Variants in RING1 observed in about 807,000 individuals in gnomAD.
The protein encoded by RING1 is ring finger protein 1, also known as E3 ubiquitin-protein ligase RING1.
Under a neutral mutation model 35.0 loss-of-function variants are expected in RING1, and 8 were observed. The observed-to-expected ratio is 0.23, with a 90% CI of 0.13 to 0.41. RING1 has a LOEUF of 0.41. Ranked by LOEUF, RING1 falls within the 10% of genes least tolerant of loss-of-function variation. RING1 has a pLI of 1.00. For synonymous variants in RING1, 214 were observed against 224.3 expected, an observed-to-expected ratio of 0.95 and a Z score of 0.41; for missense variants, 343 against 546.8, an observed-to-expected ratio of 0.63 and a Z score of 3.72.
In RING1 at chr6:33,208,541, G is replaced by A. The variant is rs368788892; in HGVS notation, c.-162G>A. ...CGGGCCATGGCGGCGGCGGTGGCGG[G>A]AGCTGCTGTCTGAGCAGCGGTTGCG... On this transcript the variant is annotated 5_prime_UTR_variant, in exon 1 of 7. Coordinates refer to ENST00000374656, the MANE Select transcript of RING1 (RefSeq NM_002931.4). The surrounding 1 kb of genome is among the most constrained non-coding windows in gnomAD (Gnocchi z 6.2). The A allele has an allele frequency of 2.4e-6, 1 of 424,488 alleles. No individual in the cohort carries two copies. 26.3% of individuals were successfully genotyped at this position (424,488 alleles called of 1,614,324 possible).
Position 33,211,710 on chromosome 6 carries a change from G to A in RING1, c.846-19G>A. The A allele has an allele frequency of 1.3e-6, 2 of 1,535,712 alleles. No individual in the cohort carries two copies. The highest frequency in any genetic ancestry group is 1.8e-6 in the Non-Finnish European group (2 of 1,141,606). ...TCTGAGGCGCTCTGGCTCTAAGCCT[G>A]TCCTCCCTCCCATTCCAGGTATGTG... On this transcript the variant is annotated intron_variant, in intron 5 of 6. Coordinates refer to ENST00000374656, the MANE Select transcript of RING1 (RefSeq NM_002931.4). The surrounding 1 kb of genome is among the most constrained non-coding windows in gnomAD (Gnocchi z 6.3).
At position 33,209,632 on chromosome 6, in the gene RING1, A is replaced by T; in HGVS notation, c.85A>T (p.Ile29Leu). Residue 29 changes from isoleucine to leucine, a missense_variant, in exon 3 of 7, where the codon ATA (isoleucine) becomes TTA (leucine). Coordinates refer to ENST00000374656, the MANE Select transcript of RING1 (RefSeq NM_002931.4). This position sits in a 1 kb window ranked among gnomAD's most constrained non-coding sequence, Gnocchi z 5.1. ...TACTCACTGATGCCTTCAGGAAGCC[A>T]TAATGGATGGCACAGAGATTGCTGT... ...YELHRTPQEA[I>L]MDGTEIAVSP... 6.2e-7 allele frequency: 1 copy of T among 1,612,602 alleles called. No individual in the cohort carries two copies. The highest frequency in any genetic ancestry group is 8.5e-7 in the Non-Finnish European group (1 of 1,179,640).
Position 33,212,311 on chromosome 6 carries a change from C to G in RING1, c.1133C>G (p.Ser378Trp), listed in dbSNP as rs751565403. The G allele has an allele frequency of 1.3e-6, 2 of 1,585,704 alleles. No individual in the cohort carries two copies. The highest frequency in any genetic ancestry group is 1.7e-6 in the Non-Finnish European group (2 of 1,165,700). Residue 378 changes from serine to tryptophan, a missense_variant, in exon 7 of 7, where the codon TCG (serine) becomes TGG (tryptophan). This residue lies in a region of RING1 where 278 missense variants were observed against 383.5 expected (regional missense o/e 0.72). Transcript: ENST00000374656. Reference protein sequence around the residue: ...GGGAFTTLNGSLTLELVNEKF... With the variant: ...GGGAFTTLNGWLTLELVNEKF... ...CCCCCTCCTCAGACGTTGAATGGCT[C>G]GCTGACCCTGGAGCTGGTGAATGAG...
In RING1 at chr6:33,210,002, G is replaced by GA. The variant is rs1343776382; in HGVS notation, c.328dup (p.Ile110AsnfsTer4). The GA allele has an allele frequency of 6.2e-7, 1 of 1,614,074 alleles. No individual in the cohort carries two copies. The highest frequency in any genetic ancestry group is 2.2e-5 in the East Asian group (1 of 44,890). ...CCAACTTTGATGCCCTGATCTCTAAGATCTATCCTAGCCGGGAGGAATACG... is the reference window on the plus strand; with the variant it reads ...CCAACTTTGATGCCCTGATCTCTAAGAATCTATCCTAGCCGGGAGGAATACG... On this transcript the variant is annotated frameshift_variant, in exon 4 of 7. Coordinates refer to ENST00000374656, the MANE Select transcript of RING1 (RefSeq NM_002931.4). LOFTEE classifies it high-confidence loss of function.
In RING1 at chr6:33,211,524, G is replaced by A. The variant is rs1388285696; in HGVS notation, c.822G>A (p.Glu274=). 1 of 1,612,176 alleles carries A rather than the reference G, an allele frequency of 6.2e-7. No individual in the cohort carries two copies. The highest frequency in any genetic ancestry group is 1.6e-4 in the Middle Eastern group (1 of 6,062). ...TCCGGCCCCACCCCCTGCTCGTGGA[G>A]AAGGGAGAATACTGCCAGACGAGGT... is the stretch of plus-strand genomic sequence containing the variant. The part of the protein sequence containing the change: ...LVFRPHPLLV[E]KGEYCQTRYV... Residue 274 remains glutamate, a synonymous_variant, in exon 5 of 7, where the codon GAG becomes GAA. Transcript: ENST00000374656. This position sits in a 1 kb window ranked among gnomAD's most constrained non-coding sequence, Gnocchi z 6.3.
intron 6 of RING1, 76 bp downstream of exon 6, chr6:33,212,078 T>C: frequency 8.4e-7 from 1 of 1,189,956 alleles, no homozygotes; most frequent in Non-Finnish European, 1.2e-6. Context: ...ACCATGAGCC[T>C]GGTCTAACTC....
In RING1 at chr6:33,208,767, T is replaced by A; in HGVS notation, c.-56T>A. The A allele has an allele frequency of 2.4e-6, 3 of 1,263,866 alleles. No individual in the cohort carries two copies. Among genetic ancestry groups the A allele is most frequent in the East Asian group, 2.7e-5 (1 of 37,666 alleles). 78.3% of individuals were successfully genotyped at this position (1,263,866 alleles called of 1,614,324 possible). ...CCTCCCCTTCCCCCCACCCCCAGCC[T>A]TCTTCGCCTTCTCCTCGGCTGTGGA... On this transcript the variant is annotated splice_region_variant and 5_prime_UTR_variant, in exon 2 of 7. Coordinates refer to ENST00000374656, the MANE Select transcript of RING1 (RefSeq NM_002931.4). The surrounding 1 kb of genome is among the most constrained non-coding windows in gnomAD (Gnocchi z 6.2).
In RING1 at chr6:33,208,731, C is replaced by T. The variant is rs531231030; in HGVS notation, c.-58-34C>T. 15 of 1,059,892 alleles carry T rather than the reference C, an allele frequency of 1.4e-5. No homozygotes were observed. The highest frequency in any genetic ancestry group is 9.0e-5 in the Admixed American group (3 of 33,350). The allele number at this position is 1,059,892 out of a possible 1,614,324, so 65.7% of individuals were successfully genotyped here. ...CGGGGTCTACGCGAGGGGCGGCCCC[C>T]CTGACGCCCTCCTCCCCTTCCCCCC... On this transcript the variant is annotated intron_variant, in intron 1 of 6. Coordinates refer to ENST00000374656, the MANE Select transcript of RING1 (RefSeq NM_002931.4). This position sits in a 1 kb window ranked among gnomAD's most constrained non-coding sequence, Gnocchi z 6.2.
At chr6:33,212,201 C>A in intron 6 of RING1, 97 bp from the exon 7 acceptor site, 2 of 964,328 alleles carry the variant, frequency 2.1e-6, no homozygotes, top group Non-Finnish European at 3.2e-6. Context: ...TTCTTTCCTC[C>A]TCCCTTGGTC....
rs1371618772 is a variant in RING1, at chr6:33,212,165, G to A, written c.1120-133G>A. On this transcript the variant is annotated intron_variant, in intron 6 of 6. Transcript: ENST00000374656. ...TTTCCCATCATCCATGTCCTTTTTTGCCTTATCGCTTTTATTATTCCTTTT... is the reference window on the plus strand; with the variant it reads ...TTTCCCATCATCCATGTCCTTTTTTACCTTATCGCTTTTATTATTCCTTTT... The A allele has an allele frequency of 1.4e-5, 12 of 861,574 alleles. No homozygotes were observed. In the Admixed American group the frequency reaches 2.7e-4, roughly 19 times the overall value. 53.4% of individuals were successfully genotyped at this position (861,574 alleles called of 1,614,324 possible).
chr6:33,209,542 C>T lies in RING1; in HGVS notation c.79-84C>T. ...ACATGGGTCTTCTCACTGTATTTCT[C>T]AAAATTCTTATTTTATGGGCTGCTG... On this transcript the variant is annotated intron_variant, in intron 2 of 6. Transcript: ENST00000374656. This position sits in a 1 kb window ranked among gnomAD's most constrained non-coding sequence, Gnocchi z 5.1. 5 of 1,406,970 alleles carry T rather than the reference C, an allele frequency of 3.6e-6. No homozygotes were observed. Among genetic ancestry groups the T allele is most frequent in the Non-Finnish European group, 4.9e-6 (5 of 1,023,764 alleles). The allele number at this position is 1,406,970 out of a possible 1,614,324, so 87.2% of individuals were successfully genotyped here. A position where few individuals can be genotyped will look rare whatever the true frequency, so the allele number is the denominator to read the frequency against.
In RING1 at chr6:33,208,761, C is replaced by A; in HGVS notation, c.-58-4C>A. ...CGCCCTCCTCCCCTTCCCCCCACCC[C>A]CAGCCTTCTTCGCCTTCTCCTCGGC... On this transcript the variant is annotated splice_polypyrimidine_tract_variant and splice_region_variant and intron_variant, in intron 1 of 6. Coordinates refer to ENST00000374656, the MANE Select transcript of RING1 (RefSeq NM_002931.4). This position sits in a 1 kb window ranked among gnomAD's most constrained non-coding sequence, Gnocchi z 6.2. 7.2e-7 allele frequency: 1 copy of A among 1,396,192 alleles called. No homozygotes were observed. The highest frequency in any genetic ancestry group is 9.7e-7 in the Non-Finnish European group (1 of 1,036,266). The allele number at this position is 1,396,192 out of a possible 1,614,324, so 86.5% of individuals were successfully genotyped here. A position where few individuals can be genotyped will look rare whatever the true frequency, so the allele number is the denominator to read the frequency against.
Position 33,211,648 on chromosome 6 carries a change from A to T in RING1, c.846-81A>T. 1 of 1,542,048 alleles carries T rather than the reference A, an allele frequency of 6.5e-7. No homozygotes were observed. The highest frequency in any genetic ancestry group is 8.7e-7 in the Non-Finnish European group (1 of 1,148,168). ...CAAACCCAAAATACCACCCCAACCC[A>T]GAATCCATTTTGGAAAGCCCCTACC... On this transcript the variant is annotated intron_variant, in intron 5 of 6. Transcript: ENST00000374656. This position sits in a 1 kb window ranked among gnomAD's most constrained non-coding sequence, Gnocchi z 6.3.
chr6:33,212,360 A>G lies in RING1; in HGVS notation c.1182A>G (p.Pro394=), dbSNP rs1274474724. ...AGAAATTCTGGAAGGTGTCCCGGCC[A>G]CTGGAGCTGTGCTATGCTCCCACCA... The part of the protein sequence containing the change: ...VNEKFWKVSR[P]LELCYAPTKD... Residue 394 remains proline (P), a synonymous_variant, in exon 7 of 7, where the codon CCA becomes CCG. Coordinates refer to ENST00000374656, the MANE Select transcript of RING1 (RefSeq NM_002931.4). 6.3e-7 allele frequency: 1 copy of G among 1,595,978 alleles called. No homozygotes were observed. The highest frequency in any genetic ancestry group is 8.5e-7 in the Non-Finnish European group (1 of 1,171,562).
At chr6:33,210,853 G>A (rs979214834) in intron 4 of RING1, among the ~76,000 whole-genome samples, 11 of 152,150 alleles carry the variant, frequency 7.2e-5, no homozygotes, top group Admixed American at 4.6e-4. Flanking sequence ...CACAGGGGAT[G>A]TGTATGCTGC....
chr6:33,212,500 G>A lies in RING1; in HGVS notation c.*101G>A. 1.4e-6 allele frequency: 1 copy of A among 719,004 alleles called. No homozygotes were observed. Among genetic ancestry groups the A allele is most frequent in the Non-Finnish European group, 2.4e-6 (1 of 410,702 alleles). 44.5% of individuals were successfully genotyped at this position (719,004 alleles called of 1,614,324 possible). ...TCCCCCAGTACCCCCAGCCCAGCCA[G>A]CCAATAAGAGGACACAAATGAGGAC... On this transcript the variant is annotated 3_prime_UTR_variant, in exon 7 of 7. Transcript: ENST00000374656.
chr6:33,212,244 C>T (rs1046004002), intron 6 of RING1, 54 bp from the exon 7 acceptor site: 8 of 1,281,282 alleles, frequency 6.2e-6, no homozygotes, highest in African/African-American at 1.5e-5. Flanking sequence ...CCTTTTCCAT[C>T]TTCTCCAACT....
rs1441614708 is a variant in RING1 at position 33,211,974 on chromosome 6, A to T, written c.1091A>T (p.Tyr364Phe). The T allele has an allele frequency of 6.4e-7, 1 of 1,560,110 alleles. No individual in the cohort carries two copies. Among genetic ancestry groups the T allele is most frequent in the East Asian group, 2.3e-5 (1 of 43,130 alleles). The change falls in exon 6 of 7, where the codon TAC (tyrosine) becomes TTC (phenylalanine). Residue 364 changes from tyrosine to phenylalanine, a missense_variant. Transcript: ENST00000374656. This position sits in a 1 kb window ranked among gnomAD's most constrained non-coding sequence, Gnocchi z 6.3. ...GTCAGTGAAAAGCAGTACACCATCTACATCGCACCTGGAGGCGGGGCGTTC... is the reference window on the plus strand; with the variant it reads ...GTCAGTGAAAAGCAGTACACCATCTTCATCGCACCTGGAGGCGGGGCGTTC... ...EGVSEKQYTI[Y>F]IAPGGGAFTT...
Position 33,211,062 on chromosome 6 carries a change from G to C in RING1, c.456-96G>C. On this transcript the variant is annotated intron_variant, in intron 4 of 6. Transcript: ENST00000374656. The surrounding 1 kb of genome is among the most constrained non-coding windows in gnomAD (Gnocchi z 6.3). ...TTGTGTTTAATAAATATTAGGTATC[G>C]TCATTAGGATTTTTCTTATCTCTTA... 1 of 1,362,852 alleles carries C rather than the reference G, an allele frequency of 7.3e-7. No homozygotes were observed. The highest frequency in any genetic ancestry group is 1.5e-5 in the South Asian group (1 of 68,212). The allele number at this position is 1,362,852 out of a possible 1,614,324, so 84.4% of individuals were successfully genotyped here. A position where few individuals can be genotyped will look rare whatever the true frequency, so the allele number is the denominator to read the frequency against.
Sources: gnomAD v4.1 joint callset for allele counts (sites outside exome capture counted in the v4.1 genomes callset) on GRCh38, gnomAD v4.1.1 for gene constraint, gnomAD v4.1.1 regional missense constraint, Gnocchi (gnomAD v3.1) non-coding constraint, MANE v1.5 for transcripts, NCBI Gene and HGNC (gene_info 2026-07-23, HGNC 2026-07-21) for gene names.